Variants in MATN3 observed in about 807,000 individuals in gnomAD.
The protein encoded by MATN3 is matrilin 3.
Under a neutral mutation model 45.3 loss-of-function variants are expected in MATN3, and 48 were observed. The observed-to-expected ratio is 1.06, with a 90% CI of 0.84 to 1.35. The LOEUF (loss-of-function observed/expected upper bound fraction) is 1.35. Among genes scored for constraint, MATN3 ranks in the 40% most tolerant of loss-of-function variants. The probability of loss-of-function intolerance (pLI) is 0.00; values close to 1 mark genes in which losing one functional copy is unlikely to be tolerated. For missense variants in MATN3, 599 were observed against 628.0 expected (o/e 0.95, Z 0.49); for synonymous variants, 217 against 245.9 (o/e 0.88, Z 1.10).
At chr2:20,010,090 A>AAAAAAAAAAAAAT (rs1673191576) in intron 1 of MATN3, among the ~76,000 whole-genome samples, 1 of 143,594 alleles carries the variant, frequency 7.0e-6, no homozygotes, top group Non-Finnish European at 1.5e-5. Flanking sequence ...AAAAAAAAAA[A>AAAAAAAAAAAAAT]CCTCCAGAAT....
intron 1 of MATN3, among the ~76,000 whole-genome samples, chr2:20,008,640 T>TC (rs1673159414): frequency 6.6e-6 from 1 of 152,098 alleles, no homozygotes; most frequent in Non-Finnish European, 1.5e-5. Flanking sequence ...TACCAACACA[T>TC]CAACCTGTGA....
intron 1 of MATN3, among the ~76,000 whole-genome samples, chr2:20,007,094 G>A (rs1366963659): frequency 6.6e-6 from 1 of 152,204 alleles, no homozygotes; most frequent in East Asian, 1.9e-4. Flanking sequence ...TGTATTCCCA[G>A]CTACTCGGGA....
chr2:20,012,393 C>T lies in MATN3; in HGVS notation c.223+16G>A, dbSNP rs1673235176. 8.1e-7 allele frequency: 1 copy of T among 1,228,274 alleles called. No individual in the cohort carries two copies. The allele number at this position is 1,228,274 out of a possible 1,614,324, so 76.1% of individuals were successfully genotyped here. On this transcript the variant is annotated intron_variant, in intron 1 of 7. Coordinates refer to ENST00000407540, the MANE Select transcript of MATN3 (RefSeq NM_002381.5). The surrounding 1 kb of genome is among the most constrained non-coding windows in gnomAD (Gnocchi z 4.3). Reference sequence around the variant, plus strand: ...TCGTTCGATGCTCACGCGTCCCTCCCGCCGCCCGCCTGTACCTGCACCGCG... The same window carrying T: ...TCGTTCGATGCTCACGCGTCCCTCCTGCCGCCCGCCTGTACCTGCACCGCG...
intron 1 of MATN3, among the ~76,000 whole-genome samples, chr2:20,010,066 CTA>C (rs1491581781): frequency 7.2e-4 from 4 of 5,564 alleles, no homozygotes; most frequent in Non-Finnish European, 7.4e-4. Flanking sequence ...TCTTCAAATA[CTA>C]AAAAAAAAAA....
In MATN3 at chr2:20,012,447, G is replaced by A. The variant is rs920755164; in HGVS notation, c.185C>T (p.Ala62Val). Residue 62 changes from alanine (A) to valine (V), a missense_variant, in exon 1 of 8, where the codon GCT becomes GTT. Physicochemically the swap from Ala to Val is moderately conservative, Grantham distance 64 (BLOSUM62 0). Coordinates refer to ENST00000407540, the MANE Select transcript of MATN3 (RefSeq NM_002381.5). This position sits in a 1 kb window ranked among gnomAD's most constrained non-coding sequence, Gnocchi z 4.3. Reference sequence around the variant, plus strand: ...GCGGCCAGGCTCGCTGGTCCCGGAAGCGGGCGCGCCGTCGGGAGCCGCAGG... The same window carrying A: ...GCGGCCAGGCTCGCTGGTCCCGGAAACGGGCGCGCCGTCGGGAGCCGCAGG... ...PSPAAPDGAP[A>V]SGTSEPGRAR... The A allele has an allele frequency of 2.2e-4, 272 of 1,229,490 alleles. No individual in the cohort carries two copies. The highest frequency in any genetic ancestry group is 3.1e-4 in the Middle Eastern group (1 of 3,220). The allele number at this position is 1,229,490 out of a possible 1,614,324, so 76.2% of individuals were successfully genotyped here. A position where few individuals can be genotyped will look rare whatever the true frequency, so the allele number is the denominator to read the frequency against.
chr2:20,012,472 G>T lies in MATN3; in HGVS notation c.160C>A (p.Pro54Thr), dbSNP rs1008273355. Residue 54 changes from proline to threonine, a missense_variant, in exon 1 of 8, where the codon CCT (proline) becomes ACT (threonine). Transcript: ENST00000407540. This position sits in a 1 kb window ranked among gnomAD's most constrained non-coding sequence, Gnocchi z 4.3. ...GCGGGCGCGCCGTCGGGAGCCGCAG[G>T]AGAGGGGCGGCGTCCAGGGCTGCCC... Reference protein sequence around the residue: ...PGGSPGRRPSPAAPDGAPASG... With the variant: ...PGGSPGRRPSTAAPDGAPASG... 2.3e-5 allele frequency: 28 copies of T among 1,229,084 alleles called. No individual in the cohort carries two copies. In the African/African-American group the frequency reaches 3.6e-4, roughly 16 times the overall value. The allele number at this position is 1,229,084 out of a possible 1,614,324, so 76.1% of individuals were successfully genotyped here. A position where few individuals can be genotyped will look rare whatever the true frequency, so the allele number is the denominator to read the frequency against.
In MATN3 at chr2:20,012,382, C is replaced by G; in HGVS notation, c.223+27G>C. On this transcript the variant is annotated intron_variant, in intron 1 of 7. Coordinates refer to ENST00000407540, the MANE Select transcript of MATN3 (RefSeq NM_002381.5). The surrounding 1 kb of genome is among the most constrained non-coding windows in gnomAD (Gnocchi z 4.3). The stretch of plus-strand genomic sequence containing the variant: ...TGGGCTTCTCCTCGTTCGATGCTCA[C>G]GCGTCCCTCCCGCCGCCCGCCTGTA... The G allele has an allele frequency of 8.2e-7, 1 of 1,224,758 alleles. No homozygotes were observed. The highest frequency in any genetic ancestry group is 1.0e-6 in the Non-Finnish European group (1 of 982,790). The allele number at this position is 1,224,758 out of a possible 1,614,324, so 75.9% of individuals were successfully genotyped here. A position where few individuals can be genotyped will look rare whatever the true frequency, so the allele number is the denominator to read the frequency against.
rs779651852 is a variant in MATN3 at position 20,006,135 on chromosome 2, G to A, written c.399C>T (p.Ile133=). ...CTGTGTAGGCCTGGAGTTGGAACTC[G>A]ATCTTCACAGTGCTAGCATAGTTCA... ...AVVNYASTVK[I]EFQLQAYTDK... The change falls in exon 2 of 8, where the codon ATC becomes ATT. Residue 133 remains isoleucine (I), a synonymous_variant. Coordinates refer to ENST00000407540, the MANE Select transcript of MATN3 (RefSeq NM_002381.5). The A allele has an allele frequency of 7.4e-6, 12 of 1,613,856 alleles. No individual in the cohort carries two copies. The highest frequency in any genetic ancestry group is 5.3e-5 in the African/African-American group (4 of 74,912).
intron 1 of MATN3, among the ~76,000 whole-genome samples, chr2:20,009,245 A>AC (rs1268038619): frequency 1.4e-4 from 21 of 148,382 alleles, no homozygotes; most frequent in African/African-American, 3.0e-4. Flanking sequence ...AAAAAAAAAA[A>AC]AGGAATCAAA....
intron 2 of MATN3, among the ~76,000 whole-genome samples, chr2:20,004,372 G>A (rs1673053994): frequency 6.6e-6 from 1 of 152,240 alleles, no homozygotes; most frequent in African/African-American, 2.4e-5. Flanking sequence ...CCACAGACCA[G>A]CATGTTGATG....
Position 19,992,810 on chromosome 2 carries a change from G to T in MATN3, c.*301C>A. ...AATATAAACATTTAAAAATTAAATG[G>T]CTCAATTAGTAGATAAAGAAACACT... On this transcript the variant is annotated 3_prime_UTR_variant, in exon 8 of 8. Transcript: ENST00000407540. The T allele has an allele frequency of 3.2e-6, 1 of 310,526 alleles. No homozygotes were observed. The highest frequency in any genetic ancestry group is 5.9e-6 in the Non-Finnish European group (1 of 170,100). 19.2% of individuals were successfully genotyped at this position (310,526 alleles called of 1,614,324 possible).
chr2:20,006,596 T>C (rs567032649), intron 1 of MATN3, among the ~76,000 whole-genome samples: 11 of 152,338 alleles, frequency 7.2e-5, no homozygotes, highest in African/African-American at 2.6e-4. Flanking sequence ...GCTTAAGCTT[T>C]TGCTCCCAAG....
chr2:20,011,368 C>G (rs1002961546), intron 1 of MATN3, among the ~76,000 whole-genome samples: 1 of 152,256 alleles, frequency 6.6e-6, no homozygotes, highest in African/African-American at 2.4e-5. Context: ...CTGTGGACCC[C>G]GGTACCTCCT....
intron 1 of MATN3, among the ~76,000 whole-genome samples, chr2:20,009,505 G>A (rs1342408370): frequency 6.6e-6 from 1 of 152,096 alleles, no homozygotes; most frequent in African/African-American, 2.4e-5. Flanking sequence ...AGGAGGGAGA[G>A]CATTAGGACA....
intron 2 of MATN3, 48 bp downstream of exon 2, chr2:20,005,696 C>G: frequency 7.2e-7 from 1 of 1,389,262 alleles, no homozygotes; most frequent in Non-Finnish European, 9.8e-7. Context: ...TACACAATGT[C>G]TGAATATAAC....
intron 5 of MATN3, chr2:19,999,325 A>AT (rs1329751690): frequency 6.6e-6 from 1 of 152,234 alleles, no homozygotes; most frequent in Non-Finnish European, 1.5e-5. Flanking sequence ...CCCTGAACAA[A>AT]TCAGCTCAAG....
rs1672989339 is a variant in MATN3, at chr2:20,001,829, G to A, written c.1042+126C>T. The A allele has an allele frequency of 5.8e-6, 5 of 861,204 alleles. No homozygotes were observed. The East Asian group carries it at 1.3e-4, about 22-fold the overall frequency. 53.3% of individuals were successfully genotyped at this position (861,204 alleles called of 1,614,324 possible). On this transcript the variant is annotated intron_variant, in intron 4 of 7. Transcript: ENST00000407540. Reference sequence around the variant, plus strand: ...ACATTTTGGATAAGACTTAAAAATGGGAAAAGCTCAAGGTGGCAAGAGAGG... The same window carrying A: ...ACATTTTGGATAAGACTTAAAAATGAGAAAAGCTCAAGGTGGCAAGAGAGG...
In MATN3 at chr2:20,006,235, G is replaced by C. The variant is rs549593014; in HGVS notation, c.299C>G (p.Thr100Ser). 4 of 1,612,284 alleles carry C rather than the reference G, an allele frequency of 2.5e-6. No individual in the cohort carries two copies. The highest frequency in any genetic ancestry group is 3.4e-6 in the Non-Finnish European group (4 of 1,179,380). ...CCGGGAGACAAAAGTTTTCACTTTG[G>C]TGAATTCCAGGGGCCGTACGCTACG... ...SSRSVRPLEF[T>S]KVKTFVSRII... The change falls in exon 2 of 8, where the codon ACC becomes AGC. Residue 100 changes from threonine to serine, a missense_variant. Transcript: ENST00000407540.
chr2:20,000,655 A>G, intron 4 of MATN3, 89 bp from the exon 5 acceptor site: 1 of 1,319,512 alleles, frequency 7.6e-7, no homozygotes, highest in Non-Finnish European at 1.0e-6. Flanking sequence ...AGCTGGAAAC[A>G]TATGAGGAAA....
Sources: gnomAD v4.1 joint callset for allele counts (sites outside exome capture counted in the v4.1 genomes callset) on GRCh38, gnomAD v4.1.1 for gene constraint, Gnocchi (gnomAD v3.1) non-coding constraint, MANE v1.5 for transcripts, NCBI Gene and HGNC (gene_info 2026-07-23, HGNC 2026-07-21) for gene names.